Variants in LRMDA observed in about 807,000 individuals in gnomAD.
LRMDA encodes the protein leucine-rich melanocyte differentiation-associated protein.
A neutral mutation model predicts 29.8 loss-of-function variants in LRMDA; 18 were observed. The observed-to-expected ratio is 0.60, with a 90% CI of 0.42 to 0.90. The LOEUF (loss-of-function observed/expected upper bound fraction) is 0.90, where lower values mean the gene tolerates loss of function less well. Among genes scored for constraint, LRMDA ranks in the 40% least tolerant of loss-of-function variants. The probability of loss-of-function intolerance (pLI) is 0.00; values close to 1 mark genes in which losing one functional copy is unlikely to be tolerated. For missense variants in LRMDA, 273 were observed against 273.9 expected (o/e 1.00, Z 0.02); for synonymous variants, 125 against 109.4 (o/e 1.14, Z -0.89).
At chr10:76,477,652 T>C (rs1842689582) in intron 6 of LRMDA, among the ~76,000 whole-genome samples, 2 of 152,104 alleles carry the variant, frequency 1.3e-5, no homozygotes, top group South Asian at 2.1e-4. Flanking sequence ...CTTCAAACTA[T>C]ACTACAAGGC....
intron 5 of LRMDA, among the ~76,000 whole-genome samples, chr10:76,303,211 CTTT>C (rs34865373): frequency 5.3e-5 from 7 of 131,472 alleles, no homozygotes; most frequent in Admixed American, 2.3e-4. Context: ...ACACTCCTCC[CTTT>C]TTTTTTTTTT....
At chr10:75,544,031 C>T (rs564961978) in intron 2 of LRMDA, among the ~76,000 whole-genome samples, 1 of 152,304 alleles carries the variant, frequency 6.6e-6, no homozygotes, top group African/African-American at 2.4e-5. Flanking sequence ...CAAGAACCAA[C>T]TTCAAAGGAG....
At chr10:76,014,018 T>C (rs922090196) in intron 2 of LRMDA, among the ~76,000 whole-genome samples, 5 of 149,692 alleles carry the variant, frequency 3.3e-5, no homozygotes, top group African/African-American at 1.2e-4. Context: ...GTGATCCACA[T>C]TACATCCCAT....
At chr10:75,659,459 T>C (rs1490133661) in intron 2 of LRMDA, among the ~76,000 whole-genome samples, 1 of 152,196 alleles carries the variant, frequency 6.6e-6, no homozygotes, top group Non-Finnish European at 1.5e-5. Context: ...GATATACATA[T>C]ACATTGTGAA....
At chr10:75,784,422 G>A (rs1843436444) in intron 2 of LRMDA, among the ~76,000 whole-genome samples, 1 of 152,172 alleles carries the variant, frequency 6.6e-6, no homozygotes. Context: ...AATGCTGGCC[G>A]GGTGCGGTGG....
chr10:75,759,599 A>G lies in LRMDA; in HGVS notation c.132-276409A>G, dbSNP rs376574952. The stretch of plus-strand genomic sequence containing the variant: ...AGCCCATTTATCCAAGGAGAGGAGG[A>G]GTGCTAATGAAATAGATCATGAACA... On this transcript the variant is annotated intron_variant, in intron 2 of 6. Transcript: ENST00000611255. Among the ~76,000 whole-genome samples the G allele has an allele frequency of 2.6e-5, 4 of 152,316 alleles. No individual in the cohort carries two copies. The East Asian group carries it at 5.8e-4, about 22-fold the overall frequency.
chr10:75,461,806 C>G (rs988770662), intron 2 of LRMDA, among the ~76,000 whole-genome samples: 1 of 152,164 alleles, frequency 6.6e-6, no homozygotes, highest in African/African-American at 2.4e-5. Flanking sequence ...CTTCTGAGGC[C>G]GCTGCTGGGA....
chr10:76,540,406 C>G (rs1260772995), intron 6 of LRMDA, among the ~76,000 whole-genome samples: 3 of 152,158 alleles, frequency 2.0e-5, no homozygotes, highest in Non-Finnish European at 2.9e-5. Flanking sequence ...AACAAAGAAG[C>G]CTTTCACAAA....
intron 5 of LRMDA, among the ~76,000 whole-genome samples, chr10:76,113,981 G>T (rs1432656286): frequency 6.6e-6 from 1 of 152,194 alleles, no homozygotes; most frequent in Non-Finnish European, 1.5e-5. Flanking sequence ...TTAAGTTGGT[G>T]CTTATACAAA....
At chr10:76,030,780 T>TC (rs1288053334) in intron 2 of LRMDA, among the ~76,000 whole-genome samples, 1 of 152,180 alleles carries the variant, frequency 6.6e-6, no homozygotes, top group Non-Finnish European at 1.5e-5. Context: ...AGAGTGAGAC[T>TC]CCATCTTAAA....
chr10:75,934,427 C>A (rs1412813497), intron 2 of LRMDA, among the ~76,000 whole-genome samples: 2 of 152,118 alleles, frequency 1.3e-5, no homozygotes, highest in Non-Finnish European at 2.9e-5. Flanking sequence ...GGCCAGTAGA[C>A]CCCTGGCTAC....
chr10:75,871,862 TTG>T (rs2132332830), intron 2 of LRMDA, among the ~76,000 whole-genome samples: 1 of 152,348 alleles, frequency 6.6e-6, no homozygotes, highest in East Asian at 1.9e-4. Context: ...AGGGCAGAGA[TTG>T]TGTCTTATTC....
intron 5 of LRMDA, among the ~76,000 whole-genome samples, chr10:76,084,862 G>C (rs1347340969): frequency 6.6e-6 from 1 of 152,100 alleles, no homozygotes; most frequent in Non-Finnish European, 1.5e-5. Context: ...TAATAGCAGG[G>C]GTGGGACTAC....
At chr10:75,584,354 G>A (rs901367340) in intron 2 of LRMDA, among the ~76,000 whole-genome samples, 1 of 152,046 alleles carries the variant, frequency 6.6e-6, no homozygotes, top group African/African-American at 2.4e-5. Context: ...TTCCTCTCCT[G>A]TGTTTCTACT....
At chr10:76,404,205 C>T (rs1397115618) in intron 6 of LRMDA, among the ~76,000 whole-genome samples, 1 of 152,158 alleles carries the variant, frequency 6.6e-6, no homozygotes. Context: ...AGCAGTGGCA[C>T]CCAGAGGCGG....
At chr10:75,475,410 A>G (rs1844778312) in intron 2 of LRMDA, among the ~76,000 whole-genome samples, 1 of 151,908 alleles carries the variant, frequency 6.6e-6, no homozygotes, top group Non-Finnish European at 1.5e-5. Context: ...TTTGGGGGTA[A>G]GCCTGTCCTC....
chr10:75,633,586 C>T (rs868693522), intron 2 of LRMDA, among the ~76,000 whole-genome samples: 2 of 152,164 alleles, frequency 1.3e-5, no homozygotes, highest in African/African-American at 2.4e-5. Flanking sequence ...TCCTTCCAGC[C>T]CCAGCCCCGA....
chr10:76,382,142 G>T (rs1474028917), intron 6 of LRMDA, among the ~76,000 whole-genome samples: 1 of 152,162 alleles, frequency 6.6e-6, no homozygotes, highest in Non-Finnish European at 1.5e-5. Context: ...CTACTTCTGG[G>T]TAGAGACTCT....
intron 6 of LRMDA, among the ~76,000 whole-genome samples, chr10:76,476,719 A>G (rs1842676444): frequency 6.6e-6 from 1 of 152,196 alleles, no homozygotes; most frequent in Non-Finnish European, 1.5e-5. Context: ...AGTGGGCTTC[A>G]TTCCTGGGAT....
Sources: allele counts gnomAD v4.1 joint callset (sites outside exome capture counted in the v4.1 genomes callset), GRCh38; gene constraint gnomAD v4.1.1; transcripts MANE v1.5; gene names NCBI Gene and HGNC (gene_info 2026-07-23, HGNC 2026-07-21).